The following ASB9 variants were observed in gnomAD, a reference collection of about 807,000 sequenced individuals.
ASB9 encodes ankyrin repeat and SOCS box protein 9.
Under a neutral mutation model 16.6 loss-of-function variants are expected in ASB9, and 5 were observed. The ratio of observed to expected loss-of-function variants is 0.30; its 90% CI spans 0.16 to 0.63. ASB9 has a LOEUF of 0.63. Ranked by LOEUF, ASB9 falls within the 30% of genes least tolerant of loss-of-function variation. The probability of loss-of-function intolerance (pLI) is 0.82; values close to 1 mark genes in which losing one functional copy is unlikely to be tolerated. For missense variants in ASB9, 216 were observed against 229.4 expected (o/e 0.94, Z 0.38); for synonymous variants, 100 against 86.4 (o/e 1.16, Z -0.87).
intron 4 of ASB9, among the ~76,000 whole-genome samples, chrX:15,250,814 T>C (rs1013364825): frequency 8.9e-5 from 10 of 112,025 alleles, no homozygotes; most frequent in African/African-American, 1.3e-4. Flanking sequence ...CTCCGCCTCC[T>C]GGGTTCACGC....
At chrX:15,245,843 G>C (rs1376554521) in intron 6 of ASB9, among the ~76,000 whole-genome samples, 3 of 112,058 alleles carry the variant, frequency 2.7e-5, no homozygotes, top group Non-Finnish European at 1.9e-5. Context: ...CTCTCAAGGT[G>C]ATGCAGAACA....
chrX:15,256,775 CA>C (rs1248547700), intron 2 of ASB9, among the ~76,000 whole-genome samples: 46 of 35,976 alleles, frequency 1.3e-3, no homozygotes, highest in South Asian at 7.3e-3. Flanking sequence ...GACTCCGTCT[CA>C]AAAAAAAAAA....
intron 2 of ASB9, among the ~76,000 whole-genome samples, chrX:15,256,633 C>A (rs1287558819): frequency 9.6e-6 from 1 of 104,213 alleles, no homozygotes; most frequent in Non-Finnish European, 1.9e-5. Flanking sequence ...AAAAATTAGC[C>A]GGGCGAGGTG....
chrX:15,265,786 G>A (rs1926335810), intron 1 of ASB9, among the ~76,000 whole-genome samples: 1 of 108,176 alleles, frequency 9.2e-6, no homozygotes, highest in South Asian at 4.1e-4. Context: ...ACAGGCATGT[G>A]CCAACACACC....
intron 6 of ASB9, among the ~76,000 whole-genome samples, chrX:15,247,324 C>T (rs1182145084): frequency 8.9e-6 from 1 of 111,732 alleles, no homozygotes; most frequent in Non-Finnish European, 1.9e-5. Context: ...CACACTGTCA[C>T]CGTGCAAAAC....
At chrX:15,267,428 ATATATAAT>A (rs1926572180) in intron 1 of ASB9, among the ~76,000 whole-genome samples, 10 of 48,448 alleles carry the variant, frequency 2.1e-4, no homozygotes, top group African/African-American at 7.2e-4. Flanking sequence ...ATATATATAT[ATATATAAT>A]TATATATATA....
At chrX:15,249,025 A>C in intron 5 of ASB9, 90 bp from the exon 6 acceptor site, 1 of 908,591 alleles carries the variant, frequency 1.1e-6, no homozygotes, top group Non-Finnish European at 1.5e-6. Context: ...AAATTTCCTA[A>C]CAAGAGGGGA....
intron 5 of ASB9, 134 bp downstream of exon 5, chrX:15,250,296 C>T: frequency 3.0e-6 from 2 of 672,360 alleles, no homozygotes; most frequent in Non-Finnish European, 4.4e-6. Context: ...CAAGGGAACA[C>T]AGTCAATATG....
At chrX:15,267,264 A>AG (rs1926526727) in intron 1 of ASB9, among the ~76,000 whole-genome samples, 1 of 109,280 alleles carries the variant, frequency 9.2e-6, no homozygotes, top group Non-Finnish European at 1.9e-5. Context: ...ACCCCAAAAA[A>AG]TTAGCCAGGC....
At chrX:15,250,313 G>T in intron 5 of ASB9, 117 bp downstream of exon 5, 2 of 835,074 alleles carry the variant, frequency 2.4e-6, no homozygotes, top group East Asian at 3.3e-5. Context: ...TATGAACCCT[G>T]ACCTTGTCCA....
At chrX:15,263,960 A>G (rs1305891570) in intron 1 of ASB9, among the ~76,000 whole-genome samples, 5 of 111,452 alleles carry the variant, frequency 4.5e-5, no homozygotes, top group Non-Finnish European at 9.4e-5. Context: ...CTAAGTTTCT[A>G]TGAGTAGGTA....
intron 2 of ASB9, among the ~76,000 whole-genome samples, chrX:15,256,309 T>G (rs928212792): frequency 2.9e-5 from 3 of 103,049 alleles, no homozygotes; most frequent in Non-Finnish European, 5.9e-5. Context: ...AGGCCTAAGA[T>G]TCTTTTTTTT....
chrX:15,265,294 C>T (rs149305374), intron 1 of ASB9, among the ~76,000 whole-genome samples: 114 of 112,084 alleles, frequency 1.0e-3, no homozygotes, highest in Middle Eastern at 4.6e-3. Flanking sequence ...TGTATCCTCC[C>T]CTCCTCATCC....
chrX:15,248,652 G>T lies in ASB9; in HGVS notation c.760+92C>A, dbSNP rs752616180. 105 of 1,122,353 alleles carry T rather than the reference G, an allele frequency of 9.4e-5. No individual in the cohort carries two copies. In the East Asian group the frequency reaches 2.8e-3, roughly 30 times the overall value. The allele number at this position is 1,122,353 out of a possible 1,213,427, so 92.5% of individuals were successfully genotyped here. A position where few individuals can be genotyped will look rare whatever the true frequency, so the allele number is the denominator to read the frequency against. ...ATGTCAGAGAATGATCTTTTTATAG[G>T]AATGGGAGCCAGAAATTGCCAAATA... On this transcript the variant is annotated intron_variant, in intron 6 of 6. Coordinates refer to ENST00000380488, the MANE Select transcript of ASB9 (RefSeq NM_001031739.3).
rs372314939 is a variant in ASB9, at chrX:15,257,791, A to T, written c.174+1075T>A. 5.3e-5 allele frequency among the ~76,000 whole-genome samples: 6 copies of T among 112,417 alleles called. No homozygotes were observed. The East Asian group carries it at 1.4e-3, about 26-fold the overall frequency. On this transcript the variant is annotated intron_variant, in intron 2 of 6. Transcript: ENST00000380488. ...CAACTACGCTTAGTTGACAAAATGT[A>T]CTTCTCTTGAGCCTTGACTTTGGAT...
rs752213261 is a variant in ASB9, at chrX:15,258,951, T to C, written c.95-6A>G. On this transcript the variant is annotated splice_polypyrimidine_tract_variant and splice_region_variant and intron_variant, in intron 1 of 6. Transcript: ENST00000380488. The stretch of plus-strand genomic sequence containing the variant: ...AGACCAATCAGACACAGCATCTGTA[T>C]GGAAAGAGGGGAATGGGTTATATCC... 3 of 1,193,544 alleles carry C rather than the reference T, an allele frequency of 2.5e-6. No individual in the cohort carries two copies.
Position 15,244,767 on chromosome X carries a change from G to GT in ASB9, c.761-138dup, listed in dbSNP as rs1255857740. 4.2e-5 allele frequency: 28 copies of GT among 664,626 alleles called. No individual in the cohort carries two copies. The South Asian group carries it at 4.5e-4, about 11-fold the overall frequency. The allele number at this position is 664,626 out of a possible 1,213,427, so 54.8% of individuals were successfully genotyped here. A position where few individuals can be genotyped will look rare whatever the true frequency, so the allele number is the denominator to read the frequency against. ...GAACTATTTAAGACCATTTTCTGGG[G>GT]TTTTTTTGTAGAAGGCATTTTTAGG... On this transcript the variant is annotated intron_variant, in intron 6 of 6. Coordinates refer to ENST00000380488, the MANE Select transcript of ASB9 (RefSeq NM_001031739.3).
Position 15,248,769 on chromosome X carries a change from C to T in ASB9, c.735G>A (p.Leu245=), listed in dbSNP as rs747287447. The part of the protein sequence containing the change: ...PVELVPPESP[L]AQLFLEREGP... Reference sequence around the variant, plus strand: ...CTTCTCTCTCCAAGAAGAGCTGGGCCAAGGGGCTCTCTGGAGGCACCAGCT... The same window carrying T: ...CTTCTCTCTCCAAGAAGAGCTGGGCTAAGGGGCTCTCTGGAGGCACCAGCT... The change falls in exon 6 of 7, where the codon TTG becomes TTA. Residue 245 remains leucine, a synonymous_variant. Coordinates refer to ENST00000380488, the MANE Select transcript of ASB9 (RefSeq NM_001031739.3). 2 of 1,210,442 alleles carry T rather than the reference C, an allele frequency of 1.7e-6. No individual in the cohort carries two copies. Among genetic ancestry groups the T allele is most frequent in the Non-Finnish European group, 2.2e-6 (2 of 894,725 alleles).
chrX:15,247,624 A>T (rs774429390), intron 6 of ASB9, among the ~76,000 whole-genome samples: 27 of 112,558 alleles, frequency 2.4e-4, no homozygotes, highest in African/African-American at 8.7e-4. Context: ...TTTTATTCTG[A>T]TTGTTTAAAA....
Sources: allele counts gnomAD v4.1 joint callset (sites outside exome capture counted in the v4.1 genomes callset), GRCh38; gene constraint gnomAD v4.1.1; transcripts MANE v1.5; gene names NCBI Gene and HGNC (gene_info 2026-07-23, HGNC 2026-07-21).